The following PITPNA variants were observed in gnomAD, a reference collection of about 807,000 sequenced individuals.
PITPNA encodes phosphatidylinositol transfer protein alpha, also known as phosphatidylinositol transfer protein alpha isoform.
Under a neutral mutation model 50.3 loss-of-function variants are expected in PITPNA, and 13 were observed. The observed-to-expected ratio is 0.26, with a 90% CI of 0.17 to 0.41. The LOEUF is 0.41. Among genes scored for constraint, PITPNA ranks in the 10% least tolerant of loss-of-function variants. PITPNA has a pLI of 1.00. For missense variants in PITPNA, 207 were observed against 333.4 expected (o/e 0.62, Z 2.95); for synonymous variants, 120 against 119.6 (o/e 1.00, Z -0.02).
rs747543645 is a variant in PITPNA, at chr17:1,520,074, A to G, written c.*487T>C. On this transcript the variant is annotated 3_prime_UTR_variant, in exon 12 of 12. Transcript: ENST00000313486. ...GCGGTGCGGGGCAGGGAAACATTGTATCTTTAGCTCATCCCCGCTCCCCAC... is the reference window on the plus strand; with the variant it reads ...GCGGTGCGGGGCAGGGAAACATTGTGTCTTTAGCTCATCCCCGCTCCCCAC... The G allele has an allele frequency of 5.3e-5, 8 of 152,336 alleles. No individual in the cohort carries two copies. In the East Asian group the frequency reaches 1.2e-3, roughly 22 times the overall value. The allele number at this position is 152,336 out of a possible 1,614,324, so 9.4% of individuals were successfully genotyped here. A position where few individuals can be genotyped will look rare whatever the true frequency, so the allele number is the denominator to read the frequency against.
chr17:1,558,004 G>A (rs1211897324), intron 2 of PITPNA, among the ~76,000 whole-genome samples: 2 of 152,194 alleles, frequency 1.3e-5, no homozygotes, highest in East Asian at 1.9e-4. Flanking sequence ...GCTGAGGCGG[G>A]CGGATCACTT....
intron 3 of PITPNA, among the ~76,000 whole-genome samples, chr17:1,549,618 TAGAA>T (rs1044350285): frequency 1.4e-5 from 2 of 144,036 alleles, no homozygotes; most frequent in African/African-American, 5.3e-5. Flanking sequence ...GTGCCTGGCC[TAGAA>T]AGATTTTTTA....
intron 2 of PITPNA, among the ~76,000 whole-genome samples, chr17:1,553,378 C>T (rs1051416770): frequency 4.6e-5 from 7 of 152,160 alleles, no homozygotes; most frequent in African/African-American, 1.4e-4. Flanking sequence ...TTCTCATTTT[C>T]ACACCACCCA....
intron 10 of PITPNA, among the ~76,000 whole-genome samples, chr17:1,524,205 C>T (rs919557256): frequency 2.0e-5 from 3 of 151,648 alleles, no homozygotes; most frequent in Admixed American, 6.6e-5. Flanking sequence ...CCAACACGCC[C>T]GGCTAATTTT....
intron 4 of PITPNA, among the ~76,000 whole-genome samples, chr17:1,547,426 G>A (rs755955326): frequency 6.6e-6 from 1 of 152,142 alleles, no homozygotes; most frequent in African/African-American, 2.4e-5. Context: ...GAGGCAGGTG[G>A]ATCACTTGAA....
chr17:1,549,994 T>TA (rs1309910258), intron 3 of PITPNA, among the ~76,000 whole-genome samples: 1 of 152,172 alleles, frequency 6.6e-6, no homozygotes, highest in Non-Finnish European at 1.5e-5. Flanking sequence ...TTCTAACAGA[T>TA]AATCTGTCCA....
chr17:1,556,175 A>C (rs973859684), intron 2 of PITPNA, among the ~76,000 whole-genome samples: 1 of 152,174 alleles, frequency 6.6e-6, no homozygotes, highest in African/African-American at 2.4e-5. Context: ...TTCCCCTCCA[A>C]GATTTTTCTA....
At chr17:1,561,825 C>A (rs924593010) in intron 1 of PITPNA, among the ~76,000 whole-genome samples, 10 of 152,272 alleles carry the variant, frequency 6.6e-5, no homozygotes, top group African/African-American at 1.9e-4. Context: ...TCACCCGATG[C>A]CTAAGGCGGC....
intron 2 of PITPNA, among the ~76,000 whole-genome samples, 174 bp downstream of exon 2, chr17:1,558,355 T>C (rs993281508): frequency 2.0e-5 from 3 of 151,928 alleles, no homozygotes; most frequent in African/African-American, 7.3e-5. Context: ...TACCCAGATA[T>C]ACAAAGTAAG....
At chr17:1,553,257 G>T in intron 2 of PITPNA, 108 bp from the exon 3 acceptor site, 1 of 1,228,374 alleles carries the variant, frequency 8.1e-7, no homozygotes, top group Non-Finnish European at 1.2e-6. Context: ...GTCTCCTCAT[G>T]CAGGAGCTGG....
At chr17:1,536,571 G>T (rs1567580072) in intron 7 of PITPNA, among the ~76,000 whole-genome samples, 2 of 151,284 alleles carry the variant, frequency 1.3e-5, no homozygotes, top group African/African-American at 2.4e-5. Context: ...TTACAGGCGT[G>T]AGCCACCGCG....
rs139082882 is a variant in PITPNA at position 1,556,872 on chromosome 17, G to A, written c.51+1657C>T. 9.0e-3 allele frequency among the ~76,000 whole-genome samples: 1,375 copies of A among 152,226 alleles called. 24 individuals carry two copies. Among genetic ancestry groups the A allele is most frequent in the African/African-American group, 0.031 (1,275 of 41,510 alleles). On this transcript the variant is annotated intron_variant, in intron 2 of 11. Coordinates refer to ENST00000313486, the MANE Select transcript of PITPNA (RefSeq NM_006224.4). The stretch of plus-strand genomic sequence containing the variant: ...AATCCCAGCACTCTGGGAGGCTGAG[G>A]CAGGAGGACTACTTGAGGCAAGACC...
At chr17:1,557,179 G>A (rs943403401) in intron 2 of PITPNA, among the ~76,000 whole-genome samples, 10 of 151,866 alleles carry the variant, frequency 6.6e-5, no homozygotes, top group African/African-American at 2.4e-4. Flanking sequence ...CACGGTCAAG[G>A]CCCACCTCTG....
In PITPNA at chr17:1,548,307, T is replaced by A. The variant is rs777468138; in HGVS notation, c.278A>T (p.Tyr93Phe). The change falls in exon 4 of 12, where the codon TAC (tyrosine) becomes TTC (phenylalanine). Residue 93 changes from tyrosine to phenylalanine, a missense_variant. By Grantham distance (22) the Tyr-to-Phe change is conservative. Transcript: ENST00000313486. ...IHEKAWNAYP[Y>F]CRTVITNEYM... ...CCGGCTGCACTCACCGGTTCTGCAG[T>A]AGGGGTAAGCATTCCAGGCTTTCTC... 3 of 1,606,062 alleles carry A rather than the reference T, an allele frequency of 1.9e-6. No homozygotes were observed. The highest frequency in any genetic ancestry group is 2.6e-6 in the Non-Finnish European group (3 of 1,176,082).
chr17:1,535,545 G>A, intron 7 of PITPNA, 27 bp from the exon 8 acceptor site: 1 of 1,447,162 alleles, frequency 6.9e-7, no homozygotes, highest in Non-Finnish European at 9.7e-7. Flanking sequence ...AATTGGGGTT[G>A]GAGGGGAGTG....
At position 1,519,747 on chromosome 17, in the gene PITPNA, G is replaced by A. The variant is rs1410357916; in HGVS notation, c.*814C>T. 6.6e-6 allele frequency: 1 copy of A among 152,476 alleles called. No homozygotes were observed. Among genetic ancestry groups the A allele is most frequent in the Non-Finnish European group, 1.5e-5 (1 of 68,084 alleles). 9.4% of individuals were successfully genotyped at this position (152,476 alleles called of 1,614,324 possible). On this transcript the variant is annotated 3_prime_UTR_variant, in exon 12 of 12. Coordinates refer to ENST00000313486, the MANE Select transcript of PITPNA (RefSeq NM_006224.4). Reference sequence around the variant, plus strand: ...CTCGGGGTCAGACAGTTGGTATCTAGGGGGTGACTCAATTCTAGGGGCCAC... The same window carrying A: ...CTCGGGGTCAGACAGTTGGTATCTAAGGGGTGACTCAATTCTAGGGGCCAC...
chr17:1,538,738 T>C, intron 7 of PITPNA, 131 bp downstream of exon 7: 1 of 597,566 alleles, frequency 1.7e-6, no homozygotes, highest in East Asian at 2.9e-5. Flanking sequence ...TACTCACTTT[T>C]AAAAATAAAA....
At chr17:1,541,890 G>C in intron 5 of PITPNA, 1 of 585,954 alleles carries the variant, frequency 1.7e-6, no homozygotes, top group Non-Finnish European at 3.3e-6. Flanking sequence ...AAAGAGGTTA[G>C]GTGACTTAAC....
rs367634044 is a variant in PITPNA, at chr17:1,535,450, G to A, written c.525C>T (p.Pro175=). 2.0e-5 allele frequency: 33 copies of A among 1,612,410 alleles called. No individual in the cohort carries two copies. The African/African-American group carries it at 4.0e-4, about 20-fold the overall frequency. Residue 175 remains proline (P), a synonymous_variant, in exon 8 of 12, where the codon CCC becomes CCT. Transcript: ENST00000313486. ...AAGGTGTGAATGGTACCTTCCAATT[G>A]GGGCCCAAGGGTCCTCGGCCTGTTT... ...SIKTGRGPLG[P]NWKQELVNQK...
Sources: allele counts gnomAD v4.1 joint callset (sites outside exome capture counted in the v4.1 genomes callset), GRCh38; gene constraint gnomAD v4.1.1; transcripts MANE v1.5; gene names NCBI Gene and HGNC (gene_info 2026-07-23, HGNC 2026-07-21).